The following PEX7 variants were observed in gnomAD, a reference collection of about 807,000 sequenced individuals.
PEX7 encodes peroxisomal biogenesis factor 7.
In PEX7, 34 loss-of-function variants were observed where a neutral mutation model predicts 47.5. The ratio of observed to expected loss-of-function variants is 0.72; its 90% CI spans 0.54 to 0.95. The LOEUF (loss-of-function observed/expected upper bound fraction) is 0.95, where lower values mean the gene tolerates loss of function less well. Ranked by LOEUF, PEX7 falls within the 40% of genes least tolerant of loss-of-function variation. The pLI is 0.00. For synonymous variants in PEX7, 141 were observed against 148.8 expected (o/e 0.95, Z 0.38); for missense variants, 394 against 400.3 (o/e 0.98, Z 0.13).
intron 3 of PEX7, among the ~76,000 whole-genome samples, chr6:136,844,220 T>G (rs562968106): frequency 2.6e-5 from 4 of 151,958 alleles, no homozygotes. Flanking sequence ...AGAAAAAAAT[T>G]AGCTGGGTGT....
intron 3 of PEX7, among the ~76,000 whole-genome samples, chr6:136,835,952 T>A (rs890565489): frequency 6.6e-6 from 1 of 152,202 alleles, no homozygotes; most frequent in Non-Finnish European, 1.5e-5. Context: ...AGAGAAGGAC[T>A]TTGAAGCATG....
intron 9 of PEX7, among the ~76,000 whole-genome samples, chr6:136,903,336 C>CTTTTTT (rs552573661): frequency 7.9e-6 from 1 of 126,316 alleles, no homozygotes; most frequent in African/African-American, 2.9e-5. Flanking sequence ...CTTTCTTTCT[C>CTTTTTT]TTTTTTTTTT....
At chr6:136,884,483 A>T (rs1582769502) in intron 8 of PEX7, among the ~76,000 whole-genome samples, 1 of 152,208 alleles carries the variant, frequency 6.6e-6, no homozygotes, top group Non-Finnish European at 1.5e-5. Flanking sequence ...CTTTTTAAAT[A>T]TAAGTTTTTA....
chr6:136,836,248 G>T (rs547366720), intron 3 of PEX7, among the ~76,000 whole-genome samples: 6 of 151,668 alleles, frequency 4.0e-5, no homozygotes, highest in Non-Finnish European at 8.8e-5. Context: ...AGGAATAGAA[G>T]CATATATATT....
At chr6:136,890,441 G>A (rs551196543) in intron 8 of PEX7, among the ~76,000 whole-genome samples, 2 of 152,240 alleles carry the variant, frequency 1.3e-5, no homozygotes, top group East Asian at 3.9e-4. Context: ...TCCTCCTCCT[G>A]CAGGCTGATT....
At position 136,869,921 on chromosome 6, in the gene PEX7, G is replaced by A. The variant is rs1414037701; in HGVS notation, c.665G>A (p.Ser222Asn). The A allele has an allele frequency of 1.2e-6, 2 of 1,614,072 alleles. No individual in the cohort carries two copies. The highest frequency in any genetic ancestry group is 1.7e-6 in the Non-Finnish European group (2 of 1,179,968). The change falls in exon 7 of 10, where the codon AGT becomes AAT. Residue 222 changes from serine to asparagine, a missense_variant. Coordinates refer to ENST00000318471, the MANE Select transcript of PEX7 (RefSeq NM_000288.4). ...NLLVTGAVDC[S>N]LRGWDLRNVR... Reference sequence around the variant, plus strand: ...CTGGTGACCGGGGCGGTTGACTGTAGTTTGAGAGGCTGGGACTTAAGGAAT... The same window carrying A: ...CTGGTGACCGGGGCGGTTGACTGTAATTTGAGAGGCTGGGACTTAAGGAAT...
intron 5 of PEX7, among the ~76,000 whole-genome samples, chr6:136,849,855 G>C (rs937015831): frequency 5.3e-5 from 8 of 152,188 alleles, no homozygotes; most frequent in Non-Finnish European, 1.2e-4. Context: ...GAGTTCTGTA[G>C]ATGTCTGTTA....
intron 9 of PEX7, among the ~76,000 whole-genome samples, chr6:136,902,345 C>T (rs938623299): frequency 3.9e-5 from 6 of 152,064 alleles, no homozygotes; most frequent in Admixed American, 1.3e-4. Flanking sequence ...TATCTGAGTT[C>T]TTCTGTGTAT....
intron 9 of PEX7, among the ~76,000 whole-genome samples, chr6:136,910,965 T>G (rs1233914452): frequency 6.6e-6 from 1 of 152,252 alleles, no homozygotes; most frequent in Non-Finnish European, 1.5e-5. Context: ...ACACATCGTT[T>G]AGTTATCGCT....
chr6:136,891,279 A>G (rs78464880), intron 8 of PEX7, among the ~76,000 whole-genome samples: 2,468 of 152,318 alleles, frequency 0.016, 64 homozygotes, highest in African/African-American at 0.056. Flanking sequence ...CTTCTCTAAA[A>G]TACTGATCTG....
intron 5 of PEX7, among the ~76,000 whole-genome samples, chr6:136,848,943 TACCTCTG>T (rs1326335340): frequency 6.6e-6 from 1 of 152,222 alleles, no homozygotes; most frequent in Non-Finnish European, 1.5e-5. Context: ...CTCCTCTTTA[TACCTCTG>T]GTAGAATTCG....
intron 8 of PEX7, among the ~76,000 whole-genome samples, chr6:136,875,288 A>C (rs1775251600): frequency 6.7e-6 from 1 of 148,376 alleles, no homozygotes; most frequent in Non-Finnish European, 1.5e-5. Flanking sequence ...TAAAGTATTT[A>C]AGGCTATAAA....
intron 8 of PEX7, among the ~76,000 whole-genome samples, chr6:136,875,412 G>T (rs1369769470): frequency 6.6e-6 from 1 of 151,974 alleles, no homozygotes; most frequent in African/African-American, 2.4e-5. Context: ...CTTCCAAGAG[G>T]TGTATAATAG....
At chr6:136,887,972 C>T (rs1775495770) in intron 8 of PEX7, among the ~76,000 whole-genome samples, 1 of 151,826 alleles carries the variant, frequency 6.6e-6, no homozygotes, top group African/African-American at 2.4e-5. Context: ...GGGATTTGCC[C>T]TTATCTAGTA....
chr6:136,880,640 G>T (rs1267585094), intron 8 of PEX7, among the ~76,000 whole-genome samples: 1 of 152,124 alleles, frequency 6.6e-6, no homozygotes, highest in African/African-American at 2.4e-5. Flanking sequence ...TCTCTTTGTT[G>T]TTCTGTATTG....
intron 5 of PEX7, among the ~76,000 whole-genome samples, chr6:136,857,259 T>A (rs752791245): frequency 1.3e-5 from 2 of 152,238 alleles, no homozygotes; most frequent in Non-Finnish European, 2.9e-5. Flanking sequence ...ATAACACTTG[T>A]GTATTCTTTT....
chr6:136,908,467 A>G (rs1775879751), intron 9 of PEX7, among the ~76,000 whole-genome samples: 1 of 152,166 alleles, frequency 6.6e-6, no homozygotes, highest in Non-Finnish European at 1.5e-5. Context: ...AGTAATTTTA[A>G]TTCTGACTTT....
intron 8 of PEX7, among the ~76,000 whole-genome samples, chr6:136,875,522 T>C (rs1775255440): frequency 1.3e-5 from 2 of 152,246 alleles, no homozygotes; most frequent in African/African-American, 2.4e-5. Context: ...ACTATTTTAG[T>C]CATTCTGTTC....
At chr6:136,833,012 G>A (rs1003888426) in intron 3 of PEX7, among the ~76,000 whole-genome samples, 4 of 152,108 alleles carry the variant, frequency 2.6e-5, no homozygotes, top group African/African-American at 9.7e-5. Flanking sequence ...TTCCAAAGTT[G>A]CTTTGACATT....
Sources: gnomAD v4.1 joint callset for allele counts (sites outside exome capture counted in the v4.1 genomes callset) on GRCh38, gnomAD v4.1.1 for gene constraint, MANE v1.5 for transcripts, NCBI Gene and HGNC (gene_info 2026-07-23, HGNC 2026-07-21) for gene names.